PRKACB: variants seen among roughly 807,000 people sequenced by gnomAD.
The protein encoded by PRKACB is cAMP-dependent protein kinase catalytic subunit beta.
Under a neutral mutation model 51.4 loss-of-function variants are expected in PRKACB, and 16 were observed. That is an observed-to-expected ratio of 0.31 (90% CI 0.21 to 0.47). The LOEUF (loss-of-function observed/expected upper bound fraction) is 0.47. PRKACB is among the 20% of genes least tolerant of loss of function. The probability of loss-of-function intolerance (pLI) is 1.00; values close to 1 mark genes in which losing one functional copy is unlikely to be tolerated. For synonymous variants in PRKACB, 147 were observed against 154.4 expected (o/e 0.95, Z 0.35); for missense variants, 309 against 464.5 (o/e 0.67, Z 3.08).
chr1:84,160,418 G>A (rs2812000), intron 1 of PRKACB, among the ~76,000 whole-genome samples: 150,909 of 151,096 alleles, frequency 1, 75,363 homozygotes, highest in Middle Eastern at 1. Flanking sequence ...ACTGATTTCT[G>A]TAATTAATAT....
rs766601722 is a variant in PRKACB, at chr1:84,235,623, TATTTTGTTGGTG to T, written c.*319_*330del. 6.5e-5 allele frequency: 14 copies of T among 213,834 alleles called. No individual in the cohort carries two copies. The highest frequency in any genetic ancestry group is 1.1e-4 in the Non-Finnish European group (12 of 108,654). The allele number at this position is 213,834 out of a possible 1,614,324, so 13.2% of individuals were successfully genotyped here. A position where few individuals can be genotyped will look rare whatever the true frequency, so the allele number is the denominator to read the frequency against. Reference sequence around the variant, plus strand: ...GTTTTCTCTAAACAGTGCTCCATTTTATTTTGTTGGTGTTTCAGATGGGCAGTGTTATGGCTA... The same window carrying T: ...GTTTTCTCTAAACAGTGCTCCATTTTTTTCAGATGGGCAGTGTTATGGCTA... On this transcript the variant is annotated 3_prime_UTR_variant, in exon 10 of 10. Transcript: ENST00000370685.
chr1:84,111,222 T>C (rs1650202859), intron 1 of PRKACB, among the ~76,000 whole-genome samples: 1 of 152,108 alleles, frequency 6.6e-6, no homozygotes, highest in African/African-American at 2.4e-5. Flanking sequence ...CTTAAAGTAC[T>C]TTTTAAGGCA....
intron 1 of PRKACB, among the ~76,000 whole-genome samples, chr1:84,130,337 TA>T (rs1652060453): frequency 6.6e-6 from 1 of 152,024 alleles, no homozygotes; most frequent in African/African-American, 2.4e-5. Flanking sequence ...GATATACTCC[TA>T]AAACTGCACT....
intron 1 of PRKACB, among the ~76,000 whole-genome samples, chr1:84,106,643 T>C (rs989576567): frequency 6.6e-6 from 1 of 152,074 alleles, no homozygotes; most frequent in Admixed American, 6.6e-5. Flanking sequence ...TGCTCTTAGA[T>C]AGGAAGAATC....
chr1:84,202,665 G>C lies in PRKACB; in HGVS notation c.784-18G>C, dbSNP rs368925114. On this transcript the variant is annotated intron_variant, in intron 7 of 9. Transcript: ENST00000370685. ...AGTAACTTAAGTAACAATTGACATT[G>C]GTGTTGGTTTATCTCAGGGCTACAA... 6.4e-5 allele frequency: 101 copies of C among 1,578,138 alleles called. No homozygotes were observed. The highest frequency in any genetic ancestry group is 8.2e-5 in the Non-Finnish European group (95 of 1,162,290).
chr1:84,236,148 A>G lies in PRKACB; in HGVS notation c.*843A>G, dbSNP rs1676641160. 6.6e-6 allele frequency: 1 copy of G among 152,624 alleles called. No homozygotes were observed. Among genetic ancestry groups the G allele is most frequent in the Non-Finnish European group, 1.5e-5 (1 of 68,040 alleles). The allele number at this position is 152,624 out of a possible 1,614,324, so 9.5% of individuals were successfully genotyped here. ...GTTTTCTAAACCTTAACTGTTCCTT[A>G]AGGATTTTAGCCAGTATTTTAATAG... On this transcript the variant is annotated 3_prime_UTR_variant, in exon 10 of 10. Coordinates refer to ENST00000370685, the MANE Select transcript of PRKACB (RefSeq NM_182948.4).
intron 9 of PRKACB, among the ~76,000 whole-genome samples, chr1:84,229,850 A>C (rs898103686): frequency 2.2e-4 from 33 of 152,176 alleles, no homozygotes; most frequent in African/African-American, 7.5e-4. Context: ...TCAGATGAGT[A>C]GGTTGCAAGA....
At chr1:84,165,134 A>C in intron 1 of PRKACB, 3 of 781,678 alleles carry the variant, frequency 3.8e-6, no homozygotes, top group Non-Finnish European at 5.7e-6. Flanking sequence ...TTTTGTGGTG[A>C]CGCTTTTGTA....
chr1:84,204,901 T>A (rs10782824), intron 8 of PRKACB: 529,962 of 978,266 alleles, frequency 0.54, 145,265 homozygotes, highest in Non-Finnish European at 0.56. Context: ...ATTGGTTAAA[T>A]TTTATATTCA....
upstream of PRKACB, among the ~76,000 whole-genome samples, chr1:84,142,833 C>T (rs1422540082): frequency 1.3e-5 from 2 of 151,928 alleles, no homozygotes; most frequent in African/African-American, 4.8e-5. Context: ...TTCTTATTGG[C>T]CTTTTATGTA....
intron 9 of PRKACB, among the ~76,000 whole-genome samples, chr1:84,226,274 GTTTTTTT>G: frequency 5.4e-5 from 1 of 18,474 alleles, no homozygotes; most frequent in African/African-American, 7.5e-5. Context: ...TGGGTTTTTT[GTTTTTTT>G]TTTTGGTCTC....
intron 1 of PRKACB, among the ~76,000 whole-genome samples, chr1:84,122,222 A>G (rs1379587519): frequency 6.6e-6 from 1 of 152,108 alleles, no homozygotes; most frequent in African/African-American, 2.4e-5. Flanking sequence ...TGGCTTTAAA[A>G]TCTAGTTTCT....
intron 1 of PRKACB, among the ~76,000 whole-genome samples, chr1:84,120,386 T>C (rs765833138): frequency 9.9e-5 from 15 of 152,126 alleles, no homozygotes; most frequent in Non-Finnish European, 1.9e-4. Flanking sequence ...GCAATTCTTG[T>C]GATGTGCTTG....
chr1:84,093,056 C>T (rs969672916), intron 1 of PRKACB, among the ~76,000 whole-genome samples: 5 of 151,926 alleles, frequency 3.3e-5, no homozygotes, highest in South Asian at 2.1e-4. Flanking sequence ...ACTTTCTTAA[C>T]GATGTCTCCT....
chr1:84,233,353 C>T (rs1302556588), intron 9 of PRKACB, among the ~76,000 whole-genome samples: 1 of 148,584 alleles, frequency 6.7e-6, no homozygotes, highest in African/African-American at 2.5e-5. Flanking sequence ...AACATTTTTT[C>T]CTTCATTTCA....
chr1:84,085,118 C>T (rs370506807), intron 1 of PRKACB, among the ~76,000 whole-genome samples: 13 of 152,176 alleles, frequency 8.5e-5, no homozygotes, highest in African/African-American at 2.6e-4. Flanking sequence ...TTTAAGGAAA[C>T]AAAGTAATTT....
At chr1:84,211,559 T>G (rs957148201) in intron 8 of PRKACB, among the ~76,000 whole-genome samples, 8 of 152,194 alleles carry the variant, frequency 5.3e-5, no homozygotes, top group African/African-American at 1.9e-4. Flanking sequence ...CAAAATATTT[T>G]TAAGAAAATT....
At chr1:84,224,612 G>A (rs573913491) in intron 9 of PRKACB, among the ~76,000 whole-genome samples, 1 of 152,266 alleles carries the variant, frequency 6.6e-6, no homozygotes, top group Admixed American at 6.5e-5. Context: ...CTTGAGCATT[G>A]GGGTTGCAGT....
At chr1:84,153,677 G>C (rs1655107813) in intron 1 of PRKACB, among the ~76,000 whole-genome samples, 1 of 152,068 alleles carries the variant, frequency 6.6e-6, no homozygotes. Flanking sequence ...TTGTGTTTCT[G>C]TGTCTGCCTT....
Sources: allele counts gnomAD v4.1 joint callset (sites outside exome capture counted in the v4.1 genomes callset), GRCh38; gene constraint gnomAD v4.1.1; transcripts MANE v1.5; gene names NCBI Gene and HGNC (gene_info 2026-07-23, HGNC 2026-07-21).